The following ABHD17B variants were observed in gnomAD, a reference collection of about 807,000 sequenced individuals.
ABHD17B encodes alpha/beta hydrolase domain-containing protein 17B.
Under a neutral mutation model 26.2 loss-of-function variants are expected in ABHD17B, and 9 were observed. That is an observed-to-expected ratio of 0.34 (90% CI 0.21 to 0.60). ABHD17B has a LOEUF of 0.60. Ranked by LOEUF, ABHD17B falls within the 20% of genes least tolerant of loss-of-function variation. The pLI is 0.80. For missense variants in ABHD17B, 224 were observed against 352.1 expected (o/e 0.64, Z 2.91); for synonymous variants, 127 against 122.3 (o/e 1.04, Z -0.25).
chr9:71,881,787 G>A (rs1173166321), intron 1 of ABHD17B, among the ~76,000 whole-genome samples: 1 of 152,006 alleles, frequency 6.6e-6, no homozygotes, highest in African/African-American at 2.4e-5. Flanking sequence ...TCGGGAGGCT[G>A]AGGCAGAAGA....
At chr9:71,895,074 G>C (rs1157197268) in intron 1 of ABHD17B, among the ~76,000 whole-genome samples, 6 of 152,138 alleles carry the variant, frequency 3.9e-5, no homozygotes, top group Non-Finnish European at 8.8e-5. Context: ...ATTATTGACT[G>C]GCAAATCCAA....
At chr9:71,884,582 A>G (rs1286605902) in intron 1 of ABHD17B, among the ~76,000 whole-genome samples, 1 of 151,960 alleles carries the variant, frequency 6.6e-6, no homozygotes, top group Non-Finnish European at 1.5e-5. Flanking sequence ...CTAAGGGTAC[A>G]TATGTCAGAG....
At chr9:71,897,255 G>C (rs1826984759) in intron 1 of ABHD17B, among the ~76,000 whole-genome samples, 1 of 152,220 alleles carries the variant, frequency 6.6e-6, no homozygotes, top group Admixed American at 6.5e-5. Context: ...AAGTCATTCT[G>C]CAGGCCACGC....
intron 1 of ABHD17B, among the ~76,000 whole-genome samples, chr9:71,880,251 A>G (rs969496314): frequency 2.0e-5 from 3 of 152,140 alleles, no homozygotes; most frequent in African/African-American, 7.2e-5. Flanking sequence ...CTGCTCAACA[A>G]TTGCTTTCTG....
intron 1 of ABHD17B, among the ~76,000 whole-genome samples, chr9:71,896,499 G>A (rs1343632096): frequency 1.3e-5 from 2 of 152,176 alleles, no homozygotes; most frequent in Non-Finnish European, 2.9e-5. Context: ...GTAACTTAGA[G>A]ATACTGGTGA....
chr9:71,900,093 A>C (rs11143029), intron 1 of ABHD17B, among the ~76,000 whole-genome samples: 142,421 of 152,250 alleles, frequency 0.94, 67,274 homozygotes, highest in East Asian at 1. Context: ...ATTGTAAATA[A>C]GAACAAATGC....
intron 1 of ABHD17B, among the ~76,000 whole-genome samples, chr9:71,894,015 A>G (rs1475770868): frequency 3.6e-5 from 5 of 139,578 alleles, no homozygotes; most frequent in African/African-American, 1.3e-4. Context: ...GTGTGAACCC[A>G]GGACAGCGCT....
downstream of ABHD17B, chr9:71,862,696 A>C: frequency 1.9e-6 from 1 of 531,100 alleles, no homozygotes. Context: ...ATGAAAAATC[A>C]CTCTTAAGAT....
At chr9:71,877,714 AG>A (rs932940222) in intron 1 of ABHD17B, among the ~76,000 whole-genome samples, 8 of 152,196 alleles carry the variant, frequency 5.3e-5, no homozygotes, top group Non-Finnish European at 1.0e-4. Context: ...CACCGCACCC[AG>A]CAGAAAAACT....
At chr9:71,883,898 T>C (rs558181492) in intron 1 of ABHD17B, among the ~76,000 whole-genome samples, 2 of 152,046 alleles carry the variant, frequency 1.3e-5, no homozygotes, top group South Asian at 2.1e-4. Context: ...GATTGCATCA[T>C]TGCACTACAG....
chr9:71,889,746 T>C (rs1406387443), intron 1 of ABHD17B, among the ~76,000 whole-genome samples: 2 of 152,064 alleles, frequency 1.3e-5, no homozygotes, highest in Non-Finnish European at 2.9e-5. Flanking sequence ...ACCACATACA[T>C]GTACAAAACT....
chr9:71,881,710 C>A (rs868663580), intron 1 of ABHD17B, among the ~76,000 whole-genome samples: 3 of 152,160 alleles, frequency 2.0e-5, no homozygotes, highest in Non-Finnish European at 2.9e-5. Context: ...CATGGTGAAA[C>A]CCTGCCTCTA....
intron 1 of ABHD17B, among the ~76,000 whole-genome samples, chr9:71,897,309 T>C (rs1313538339): frequency 8.8e-5 from 2 of 22,854 alleles, no homozygotes; most frequent in Non-Finnish European, 3.6e-4. Context: ...GGTGGAAGGA[T>C]CACTTGAGCC....
chr9:71,881,882 G>A (rs558420333), intron 1 of ABHD17B, among the ~76,000 whole-genome samples: 11 of 147,648 alleles, frequency 7.5e-5, no homozygotes, highest in Middle Eastern at 3.5e-3. Flanking sequence ...CAAGACTCCC[G>A]TCTCAAAAAA....
At chr9:71,895,233 C>T (rs749452125) in intron 1 of ABHD17B, among the ~76,000 whole-genome samples, 2 of 152,186 alleles carry the variant, frequency 1.3e-5, no homozygotes, top group Non-Finnish European at 2.9e-5. Context: ...TCCTCCCACC[C>T]CATTTACAGA....
chr9:71,878,457 G>A (rs189783992), intron 1 of ABHD17B, among the ~76,000 whole-genome samples: 1 of 152,238 alleles, frequency 6.6e-6, no homozygotes, highest in East Asian at 1.9e-4. Context: ...AAAAAAGTCA[G>A]ATTGAAACAC....
intron 1 of ABHD17B, among the ~76,000 whole-genome samples, chr9:71,895,841 A>C (rs1434793754): frequency 6.6e-6 from 1 of 152,166 alleles, no homozygotes; most frequent in African/African-American, 2.4e-5. Flanking sequence ...GTCAAGCCTA[A>C]AAATTACTTT....
At chr9:71,902,334 A>G (rs1422285974) in intron 1 of ABHD17B, 5 of 152,216 alleles carry the variant, frequency 3.3e-5, no homozygotes, top group Non-Finnish European at 7.3e-5. Context: ...AAAAATGGAA[A>G]GCCATTACCC....
chr9:71,901,325 A>G (rs1419458602), intron 1 of ABHD17B, among the ~76,000 whole-genome samples: 1 of 152,092 alleles, frequency 6.6e-6, no homozygotes, highest in Non-Finnish European at 1.5e-5. Flanking sequence ...GAATTGTAAT[A>G]TAACATCTAT....
Sources: allele counts gnomAD v4.1 joint callset (sites outside exome capture counted in the v4.1 genomes callset), GRCh38; gene constraint gnomAD v4.1.1; transcripts MANE v1.5; gene names NCBI Gene and HGNC (gene_info 2026-07-23, HGNC 2026-07-21).